The following DNAH14 variants were observed in gnomAD, a reference collection of about 807,000 sequenced individuals.
The protein encoded by DNAH14 is axonemal beta dynein heavy chain 14.
In DNAH14, 478 loss-of-function variants were observed where a neutral mutation model predicts 520.9. The observed-to-expected ratio is 0.92, with a 90% CI of 0.85 to 0.99. The LOEUF is 0.99. Among genes scored for constraint, DNAH14 ranks in the 50% least tolerant of loss-of-function variants. The probability of loss-of-function intolerance (pLI) is 0.00; values close to 1 mark genes in which losing one functional copy is unlikely to be tolerated. For synonymous variants in DNAH14, 1,581 were observed against 1,757.2 expected (o/e 0.90, Z 2.51); for missense variants, 4,831 against 5,234.5 (o/e 0.92, Z 2.38).
At chr1:225,173,102 A>C (rs2149242912) in intron 36 of DNAH14, among the ~76,000 whole-genome samples, 1 of 152,340 alleles carries the variant, frequency 6.6e-6, no homozygotes, top group Non-Finnish European at 1.5e-5. Flanking sequence ...TTATACAAAA[A>C]TTAATTCAAG....
At chr1:225,120,742 G>C (rs1220611209) in intron 26 of DNAH14, among the ~76,000 whole-genome samples, 1 of 152,160 alleles carries the variant, frequency 6.6e-6, no homozygotes, top group African/African-American at 2.4e-5. Flanking sequence ...GAGTTACCTT[G>C]TATGTAAAGA....
chr1:225,340,712 A>G lies in DNAH14; in HGVS notation c.10678+11A>G. On this transcript the variant is annotated intron_variant, in intron 69 of 85. Coordinates refer to ENST00000682510, the MANE Select transcript of DNAH14 (RefSeq NM_001367479.1). ...TGCAGAAAGCACTAGGTAAGTCAAGATATTTAGTGATAGTAAGAGATCTTT... is the reference window on the plus strand; with the variant it reads ...TGCAGAAAGCACTAGGTAAGTCAAGGTATTTAGTGATAGTAAGAGATCTTT... 6.5e-7 allele frequency: 1 copy of G among 1,548,680 alleles called. No homozygotes were observed. The highest frequency in any genetic ancestry group is 1.2e-5 in the South Asian group (1 of 83,646).
intron 15 of DNAH14, among the ~76,000 whole-genome samples, chr1:225,045,446 C>T (rs536635650): frequency 4.6e-5 from 7 of 151,826 alleles, no homozygotes; most frequent in Non-Finnish European, 2.9e-5. Flanking sequence ...CAGTTGTTTC[C>T]CTAATGTTCA....
chr1:224,961,736 G>C (rs1302382343), intron 4 of DNAH14, among the ~76,000 whole-genome samples: 1 of 152,150 alleles, frequency 6.6e-6, no homozygotes, highest in African/African-American at 2.4e-5. Flanking sequence ...TGAGGACACA[G>C]AGCCAAACCA....
At position 225,229,465 on chromosome 1, in the gene DNAH14, A is replaced by T. The variant is rs187079823; in HGVS notation, c.6440-1608A>T. Among the ~76,000 whole-genome samples the T allele has an allele frequency of 2.8e-4, 42 of 152,342 alleles. No individual in the cohort carries two copies. In the East Asian group the frequency reaches 7.9e-3, roughly 29 times the overall value. On this transcript the variant is annotated intron_variant, in intron 41 of 85. Transcript: ENST00000682510. ...ATCATTCTACTATAAAGAAACATGC[A>T]TATGTATGTTTATTGTAGCACTAGT...
chr1:225,074,020 G>A (rs1337760581), intron 17 of DNAH14, among the ~76,000 whole-genome samples: 4 of 69,020 alleles, frequency 5.8e-5, no homozygotes, highest in Non-Finnish European at 1.1e-4. Context: ...TTTTTTTTGA[G>A]ACGGAGTCTC....
At chr1:224,984,565 T>A (rs10915754) in intron 8 of DNAH14, among the ~76,000 whole-genome samples, 6,529 of 152,214 alleles carry the variant, frequency 0.043, 196 homozygotes, top group Middle Eastern at 0.065. Context: ...ACTAAAGAGC[T>A]CTTGCACTGC....
intron 10 of DNAH14, among the ~76,000 whole-genome samples, chr1:225,011,723 G>A (rs1214699813): frequency 7.0e-6 from 1 of 141,880 alleles, no homozygotes; most frequent in Non-Finnish European, 1.5e-5. Context: ...TTGGTTTAAA[G>A]ACTGTTTTAT....
intron 43 of DNAH14, among the ~76,000 whole-genome samples, chr1:225,245,067 C>G (rs1302324262): frequency 6.6e-6 from 1 of 152,096 alleles, no homozygotes; most frequent in African/African-American, 2.4e-5. Context: ...TCATTGGTTT[C>G]AAAAAATTTA....
At chr1:225,076,397 G>A (rs1008351202) in intron 17 of DNAH14, among the ~76,000 whole-genome samples, 31 of 152,118 alleles carry the variant, frequency 2.0e-4, no homozygotes, top group African/African-American at 7.2e-4. Context: ...TCTTCAGTGT[G>A]CCTTTTCTTA....
chr1:225,020,716 G>T lies in DNAH14; in HGVS notation c.1108-2899G>T, dbSNP rs370316041. Among the ~76,000 whole-genome samples the T allele has an allele frequency of 3.3e-5, 5 of 151,936 alleles. No individual in the cohort carries two copies. The East Asian group carries it at 9.7e-4, about 29-fold the overall frequency. ...ACCAATAACAGCCTTGGACCATATG[G>T]ATTTGATTCTACCAAATACGCAAAG... On this transcript the variant is annotated intron_variant, in intron 10 of 85. Transcript: ENST00000682510.
In DNAH14 at chr1:225,374,145, CTATATATATATATATA is replaced by C. The variant is rs71170080; in HGVS notation, c.12319-520_12319-505del. Among the ~76,000 whole-genome samples, 21 of 33,056 alleles carry C rather than the reference CTATATATATATATATA, an allele frequency of 6.4e-4. 3 individuals are homozygous for C. The highest frequency in any genetic ancestry group is 9.7e-3 in the East Asian group (2 of 206). The allele number at this position is 33,056 out of a possible 152,430, so 21.7% of individuals were successfully genotyped here. ...TGTATGTCCCAATATTTGTGTCTTA[CTATATATATATATATA>C]TATATATATATATATATATATACTA... On this transcript the variant is annotated intron_variant, in intron 77 of 85. Coordinates refer to ENST00000682510, the MANE Select transcript of DNAH14 (RefSeq NM_001367479.1).
At chr1:225,398,441 C>T (rs558201967) in intron 84 of DNAH14, 79 bp from the exon 85 acceptor site, 137 of 1,487,922 alleles carry the variant, frequency 9.2e-5, no homozygotes, top group Non-Finnish European at 1.2e-4. Context: ...CTGGATCGGT[C>T]GGCTCAATTC....
chr1:225,089,923 A>G (rs1049324665), intron 21 of DNAH14, among the ~76,000 whole-genome samples: 1 of 152,188 alleles, frequency 6.6e-6, no homozygotes, highest in Non-Finnish European at 1.5e-5. Flanking sequence ...CTCCCTTACC[A>G]ATTCTATTCT....
At position 225,084,103 on chromosome 1, in the gene DNAH14, A is replaced by G. The variant is rs931393744; in HGVS notation, c.3327+1364A>G. On this transcript the variant is annotated intron_variant, in intron 20 of 85. Transcript: ENST00000682510. ...ATAGTTTAAAAAGGAAGTCCCATGCATTTTTTAGAGGTTCCCAATTAGGAC... is the reference window on the plus strand; with the variant it reads ...ATAGTTTAAAAAGGAAGTCCCATGCGTTTTTTAGAGGTTCCCAATTAGGAC... 3.3e-5 allele frequency among the ~76,000 whole-genome samples: 5 copies of G among 152,234 alleles called. No individual in the cohort carries two copies. The South Asian group carries it at 8.3e-4, about 25-fold the overall frequency.
In DNAH14 at chr1:225,358,372, A is replaced by G; in HGVS notation, c.11620-124A>G. The G allele has an allele frequency of 5.8e-6, 5 of 865,982 alleles. No homozygotes were observed. The South Asian group carries it at 9.9e-5, about 17-fold the overall frequency. The allele number at this position is 865,982 out of a possible 1,614,324, so 53.6% of individuals were successfully genotyped here. On this transcript the variant is annotated intron_variant, in intron 73 of 85. Transcript: ENST00000682510. ...TAGTCTGTCCCATTAAGCTTCCTCAACAGGAAAACTCTGGCTGAAAAGCTA... is the reference window on the plus strand; with the variant it reads ...TAGTCTGTCCCATTAAGCTTCCTCAGCAGGAAAACTCTGGCTGAAAAGCTA...
intron 49 of DNAH14, among the ~76,000 whole-genome samples, chr1:225,269,453 G>T (rs2093240523): frequency 6.6e-6 from 1 of 152,086 alleles, no homozygotes; most frequent in African/African-American, 2.4e-5. Flanking sequence ...CAAAAGCAAT[G>T]GCAACAAAAG....
In DNAH14 at chr1:225,303,746, G is replaced by A. The variant is rs372536246; in HGVS notation, c.8823+399G>A. 1.2e-4 allele frequency among the ~76,000 whole-genome samples: 19 copies of A among 152,256 alleles called. No homozygotes were observed. In the South Asian group the frequency reaches 3.7e-3, roughly 30 times the overall value. ...AGTCAGCAAAGCAGTGAGAGCACAA[G>A]CCACAACACAAAATTAACTCAGAAT... On this transcript the variant is annotated intron_variant, in intron 57 of 85. Transcript: ENST00000682510.
chr1:225,119,109 C>G (rs1044193353), intron 25 of DNAH14, 111 bp from the exon 26 acceptor site: 3 of 689,192 alleles, frequency 4.4e-6, no homozygotes, highest in Non-Finnish European at 6.6e-6. Context: ...GTCCTTTGGC[C>G]CATGAATATT....
Sources: gnomAD v4.1 joint callset for allele counts (sites outside exome capture counted in the v4.1 genomes callset) on GRCh38, gnomAD v4.1.1 for gene constraint, MANE v1.5 for transcripts, NCBI Gene and HGNC (gene_info 2026-07-23, HGNC 2026-07-21) for gene names.